PTGR1: variants seen among roughly 807,000 people sequenced by gnomAD.
The protein encoded by PTGR1 is 15-oxoprostaglandin 13-reductase.
Under a neutral mutation model 37.7 loss-of-function variants are expected in PTGR1, and 23 were observed. That is an observed-to-expected ratio of 0.61 (90% CI 0.44 to 0.86). The LOEUF (loss-of-function observed/expected upper bound fraction) is 0.86, where lower values mean the gene tolerates loss of function less well. PTGR1 is among the 40% of genes least tolerant of loss of function. PTGR1 has a pLI of 0.00. For synonymous variants in PTGR1, 134 were observed against 140.0 expected (o/e 0.96, Z 0.30); for missense variants, 351 against 394.3 (o/e 0.89, Z 0.93).
chr9:111,582,064 C>A (rs971811730), intron 6 of PTGR1, among the ~76,000 whole-genome samples: 2 of 151,738 alleles, frequency 1.3e-5, no homozygotes, highest in African/African-American at 4.8e-5. Flanking sequence ...AACTTAGGTT[C>A]TCAGTAATTA....
chr9:111,574,889 G>A, intron 7 of PTGR1, 47 bp from the exon 8 acceptor site: 1 of 1,390,222 alleles, frequency 7.2e-7, no homozygotes, highest in Non-Finnish European at 1.0e-6. Context: ...AAATACTAGA[G>A]ATTCAGGAGA....
In PTGR1 at chr9:111,570,260, G is replaced by A. The variant is rs748350109; in HGVS notation, c.761-51C>T. On this transcript the variant is annotated intron_variant, in intron 8 of 9. Coordinates refer to ENST00000407693, the MANE Select transcript of PTGR1 (RefSeq NM_001146108.2). ...TGGCAGGATCCAGGGAGGTGCCCAT[G>A]GTGAAACAAGCAGTACAGGTCACTG... is the stretch of plus-strand genomic sequence containing the variant. 1.3e-5 allele frequency: 20 copies of A among 1,579,230 alleles called. No homozygotes were observed. The Admixed American group carries it at 1.4e-4, about 11-fold the overall frequency.
At chr9:111,562,414 T>TA (rs1828355169), downstream of PTGR1, among the ~76,000 whole-genome samples, 1 of 151,932 alleles carries the variant, frequency 6.6e-6, no homozygotes, top group Non-Finnish European at 1.5e-5. Context: ...AGGCTGGGAT[T>TA]ACAGGCATGT....
At chr9:111,585,894 A>G in intron 5 of PTGR1, 104 bp downstream of exon 5, 1 of 1,327,808 alleles carries the variant, frequency 7.5e-7, no homozygotes, top group Admixed American at 1.9e-5. Flanking sequence ...CCCTGAGCCT[A>G]TCATGCATCA....
intron 9 of PTGR1, among the ~76,000 whole-genome samples, chr9:111,566,860 G>T (rs1399450676): frequency 6.6e-6 from 1 of 152,088 alleles, no homozygotes; most frequent in Non-Finnish European, 1.5e-5. Flanking sequence ...GTTAAAAGAT[G>T]ATTAATTGCT....
At chr9:111,576,290 A>G (rs1400527588) in intron 7 of PTGR1, 4 of 1,504,630 alleles carry the variant, frequency 2.7e-6, no homozygotes, top group African/African-American at 1.4e-5. Flanking sequence ...ATATTTGCAT[A>G]TTGTAAACTA....
chr9:111,554,076 A>G (rs1828049018), intron 9 of PTGR1, among the ~76,000 whole-genome samples: 1 of 152,238 alleles, frequency 6.6e-6, no homozygotes. Context: ...AAGGTTTCCC[A>G]TTCCACTCTA....
chr9:111,562,822 C>A lies in PTGR1; in HGVS notation c.*299G>T. The A allele has an allele frequency of 1.9e-6, 1 of 532,052 alleles. No homozygotes were observed. The highest frequency in any genetic ancestry group is 2.7e-6 in the Non-Finnish European group (1 of 371,834). The allele number at this position is 532,052 out of a possible 1,614,324, so 33.0% of individuals were successfully genotyped here. ...GTCCATGTGTTCTCATTGTTCAGCT[C>A]CCACTTATGAATGAAAACATACAGT... On this transcript the variant is annotated 3_prime_UTR_variant, in exon 10 of 10. Coordinates refer to ENST00000407693, the MANE Select transcript of PTGR1 (RefSeq NM_001146108.2).
chr9:111,578,869 T>C lies in PTGR1; in HGVS notation c.578A>G (p.Tyr193Cys). 2 of 1,612,314 alleles carry C rather than the reference T, an allele frequency of 1.2e-6. No individual in the cohort carries two copies. Among genetic ancestry groups the C allele is most frequent in the Non-Finnish European group, 1.7e-6 (2 of 1,178,964 alleles). ...QKLGFDVVFNYKTVESLEETL... is the reference protein window; with the variant it reads ...QKLGFDVVFNCKTVESLEETL... Reference sequence around the variant, plus strand: ...TTCTTCCAAAGACTCTACCGTCTTGTAGTTAAAGACGACATCAAATCCAAG... The same window carrying C: ...TTCTTCCAAAGACTCTACCGTCTTGCAGTTAAAGACGACATCAAATCCAAG... Residue 193 changes from tyrosine (Y) to cysteine (C), a missense_variant, in exon 7 of 10, where the codon TAC (tyrosine) becomes TGC (cysteine). By Grantham distance (194) the Tyr-to-Cys change is radical. Transcript: ENST00000407693.
At chr9:111,552,896 C>G (rs1280007857) in intron 9 of PTGR1, among the ~76,000 whole-genome samples, 1 of 152,056 alleles carries the variant, frequency 6.6e-6, no homozygotes, top group Non-Finnish European at 1.5e-5. Flanking sequence ...TCATGAATGT[C>G]TTTTAAGGTC....
chr9:111,597,248 G>C (rs1205691555), intron 2 of PTGR1, 69 bp downstream of exon 2: 4 of 1,219,100 alleles, frequency 3.3e-6, no homozygotes, highest in Admixed American at 4.0e-5. Flanking sequence ...CTTTGGGGTA[G>C]TTTGTTATGC....
chr9:111,589,383 C>A (rs889297105), intron 4 of PTGR1: 1 of 890,004 alleles, frequency 1.1e-6, no homozygotes, highest in Non-Finnish European at 1.3e-6. Flanking sequence ...TAATAACTGG[C>A]TAGTCATTGA....
chr9:111,582,470 G>A lies in PTGR1; in HGVS notation c.495+1002C>T, dbSNP rs555957804. ...AGTAAACTTTAAACCAAACTCACTT[G>A]TGACTATAGATGCAAAAATTCTATT... On this transcript the variant is annotated intron_variant, in intron 6 of 9. Coordinates refer to ENST00000407693, the MANE Select transcript of PTGR1 (RefSeq NM_001146108.2). 5.3e-5 allele frequency among the ~76,000 whole-genome samples: 8 copies of A among 152,258 alleles called. No homozygotes were observed. In the South Asian group the frequency reaches 8.3e-4, roughly 16 times the overall value.
In PTGR1 at chr9:111,568,666, G is replaced by C. The variant is rs563655872; in HGVS notation, c.879+1425C>G. Reference sequence around the variant, plus strand: ...TTAATAAAAACTTGCTGGTTTTGTGGCTCAGGTGGGTATCACGGTCCTACT... The same window carrying C: ...TTAATAAAAACTTGCTGGTTTTGTGCCTCAGGTGGGTATCACGGTCCTACT... On this transcript the variant is annotated intron_variant, in intron 9 of 9. Transcript: ENST00000407693. Among the ~76,000 whole-genome samples the C allele has an allele frequency of 3.3e-5, 5 of 152,270 alleles. No individual in the cohort carries two copies. The South Asian group carries it at 1.0e-3, about 32-fold the overall frequency.
intron 6 of PTGR1, among the ~76,000 whole-genome samples, chr9:111,581,084 G>C (rs894021744): frequency 6.6e-6 from 1 of 152,224 alleles, no homozygotes; most frequent in African/African-American, 2.4e-5. Flanking sequence ...ACAAGTGCAG[G>C]TTATGGGGAA....
At chr9:111,574,276 A>G (rs758092516) in intron 8 of PTGR1, 7 of 152,002 alleles carry the variant, frequency 4.6e-5, no homozygotes, top group Non-Finnish European at 7.4e-5. Context: ...GTTTCTCTAC[A>G]TAAAAATCTA....
chr9:111,569,273 C>T (rs993568682), intron 9 of PTGR1, among the ~76,000 whole-genome samples: 13 of 152,090 alleles, frequency 8.5e-5, no homozygotes, highest in African/African-American at 3.1e-4. Context: ...TGACCATGAC[C>T]TGGGGCACTC....
At chr9:111,556,203 A>G (rs1340688031) in intron 9 of PTGR1, among the ~76,000 whole-genome samples, 1 of 152,216 alleles carries the variant, frequency 6.6e-6, no homozygotes, top group Non-Finnish European at 1.5e-5. Context: ...CTTTGACTCC[A>G]TGTCTCACAT....
At chr9:111,555,932 G>T (rs1292427474) in intron 9 of PTGR1, among the ~76,000 whole-genome samples, 1 of 152,142 alleles carries the variant, frequency 6.6e-6, no homozygotes, top group Non-Finnish European at 1.5e-5. Context: ...GTCCCTTAAA[G>T]TCTTAACTCA....
Sources: gnomAD v4.1 joint callset for allele counts (sites outside exome capture counted in the v4.1 genomes callset) on GRCh38, gnomAD v4.1.1 for gene constraint, MANE v1.5 for transcripts, NCBI Gene and HGNC (gene_info 2026-07-23, HGNC 2026-07-21) for gene names.